The following ALMS1 variants were observed in gnomAD, a reference collection of about 807,000 sequenced individuals.
ALMS1 encodes centrosome-associated protein ALMS1.
ALMS1 carries 271 observed loss-of-function variants against 352.2 expected under a neutral mutation model. The observed-to-expected ratio is 0.77, with a 90% CI of 0.70 to 0.85. The LOEUF (loss-of-function observed/expected upper bound fraction) is 0.85, where lower values mean the gene tolerates loss of function less well. Among genes scored for constraint, ALMS1 ranks in the 40% least tolerant of loss-of-function variants. The probability of loss-of-function intolerance (pLI) is 0.00; values close to 1 mark genes in which losing one functional copy is unlikely to be tolerated. For synonymous variants in ALMS1, 1,865 were observed against 1,761.2 expected, an observed-to-expected ratio of 1.06 and a Z score of -1.48; for missense variants, 5,445 against 4,870.7, an observed-to-expected ratio of 1.12 and a Z score of -3.51.
In ALMS1 at chr2:73,600,863, A is replaced by C. The variant is rs771282076; in HGVS notation, c.11854A>C (p.Lys3952Gln). 6.2e-7 allele frequency: 1 copy of C among 1,613,982 alleles called. No homozygotes were observed. Among genetic ancestry groups the C allele is most frequent in the Non-Finnish European group, 8.5e-7 (1 of 1,179,926 alleles). ...TGAGGACAGAAAGTTAAAAAAGAAC[A>C]AGAAGAATTCCCATGAAGGTCAGTT... ...YPEDRKLKKN[K>Q]KNSHEGVSWF... is the part of the protein sequence containing the mutation. The change falls in exon 18 of 23, where the codon AAG (lysine) becomes CAG (glutamine). Residue 3952 changes from lysine to glutamine, a missense_variant. Coordinates refer to ENST00000613296, the MANE Select transcript of ALMS1 (RefSeq NM_001378454.1).
At chr2:73,438,748 CAG>C (rs1000103545) in intron 7 of ALMS1, among the ~76,000 whole-genome samples, 1 of 152,136 alleles carries the variant, frequency 6.6e-6, no homozygotes, top group African/African-American at 2.4e-5. Context: ...TCAAAAAAGA[CAG>C]ATATTTTGTT....
intron 9 of ALMS1, chr2:73,459,314 G>C (rs1244395899): frequency 1.3e-5 from 2 of 152,232 alleles, no homozygotes; most frequent in Non-Finnish European, 2.9e-5. Context: ...ATACCACTTA[G>C]TTAAGGTGGT....
intron 9 of ALMS1, among the ~76,000 whole-genome samples, chr2:73,480,346 A>G (rs2103863106): frequency 1.3e-5 from 2 of 151,868 alleles, no homozygotes; most frequent in Middle Eastern, 3.4e-3. Context: ...TGTTCTTGCG[A>G]TAGTTTACTG....
chr2:73,513,803 A>G lies in ALMS1; in HGVS notation c.9540-5972A>G, dbSNP rs373648740. On this transcript the variant is annotated intron_variant, in intron 10 of 22. Transcript: ENST00000613296. ...ATTGCACACTAAGCCACACGTCTGCAGAGACTGTCTTCTTGCCCTGCTTGA... is the reference window on the plus strand; with the variant it reads ...ATTGCACACTAAGCCACACGTCTGCGGAGACTGTCTTCTTGCCCTGCTTGA... 1.3e-4 allele frequency among the ~76,000 whole-genome samples: 20 copies of G among 152,226 alleles called. No homozygotes were observed. In the South Asian group the frequency reaches 2.7e-3, roughly 21 times the overall value.
intron 10 of ALMS1, 93 bp downstream of exon 10, chr2:73,491,591 C>G: frequency 7.4e-7 from 1 of 1,356,114 alleles, no homozygotes; most frequent in Non-Finnish European, 1.0e-6. Context: ...GGGGAAAGGC[C>G]GTGTGATTTC....
chr2:73,389,554 A>T (rs756615473), intron 1 of ALMS1, among the ~76,000 whole-genome samples: 1 of 152,144 alleles, frequency 6.6e-6, no homozygotes, highest in Non-Finnish European at 1.5e-5. Flanking sequence ...CGGGCCTTAC[A>T]TTTAAATCTT....
At chr2:73,563,503 A>G (rs1558696025) in intron 15 of ALMS1, among the ~76,000 whole-genome samples, 1 of 151,980 alleles carries the variant, frequency 6.6e-6, no homozygotes, top group Non-Finnish European at 1.5e-5. Flanking sequence ...CGGGCGGATT[A>G]AGAGGTCAGG....
chr2:73,509,970 C>T (rs918035945), intron 10 of ALMS1, among the ~76,000 whole-genome samples: 5 of 152,092 alleles, frequency 3.3e-5, no homozygotes, highest in African/African-American at 1.2e-4. Context: ...TGAAGTTGAT[C>T]TTCAGTCTCT....
chr2:73,490,632 C>G lies in ALMS1; in HGVS notation c.8673C>G (p.Ser2891Arg), dbSNP rs755823751. ...FLEQRELFEQSKAPRADDHVR... is the reference protein window; with the variant it reads ...FLEQRELFEQRKAPRADDHVR... Reference sequence around the variant, plus strand: ...AACAACGAGAGCTCTTTGAACAAAGCAAAGCCCCACGTGCAGATGACCATG... The same window carrying G: ...AACAACGAGAGCTCTTTGAACAAAGGAAAGCCCCACGTGCAGATGACCATG... Residue 2891 changes from serine to arginine, a missense_variant, in exon 10 of 23, where the codon AGC (serine) becomes AGG (arginine). Transcript: ENST00000613296. 6.2e-7 allele frequency: 1 copy of G among 1,614,156 alleles called. No individual in the cohort carries two copies. Among genetic ancestry groups the G allele is most frequent in the East Asian group, 2.2e-5 (1 of 44,880 alleles).
intron 9 of ALMS1, among the ~76,000 whole-genome samples, chr2:73,471,346 A>AC (rs1445409808): frequency 1.3e-5 from 2 of 151,486 alleles, no homozygotes; most frequent in African/African-American, 4.8e-5. Flanking sequence ...ACAGGACTGC[A>AC]TCTAATTAAA....
rs764309301 is a variant in ALMS1 at position 73,448,626 on chromosome 2, G to A, written c.2099G>A (p.Gly700Glu). The change falls in exon 8 of 23, where the codon GGA (glycine) becomes GAA (glutamate). Residue 700 changes from glycine to glutamate, a missense_variant. Gly to Glu is a moderately conservative substitution (Grantham distance 98, BLOSUM62 -2). Transcript: ENST00000613296. The part of the protein sequence containing the change: ...DQALKVSAVS[G>E]PADQKTGTAT... ...GCTCTGAAAGTCTCAGCTGTGTCTG[G>A]ACCAGCTGACCAGAAGACTGGGACA... is the stretch of plus-strand genomic sequence containing the variant. The A allele has an allele frequency of 5.6e-6, 9 of 1,612,610 alleles. No homozygotes were observed. The highest frequency in any genetic ancestry group is 6.8e-6 in the Non-Finnish European group (8 of 1,179,576).
chr2:73,497,631 T>C (rs1673136687), intron 10 of ALMS1, among the ~76,000 whole-genome samples: 1 of 152,136 alleles, frequency 6.6e-6, no homozygotes, highest in Non-Finnish European at 1.5e-5. Context: ...AAAATTGTCG[T>C]TGGTTGATGG....
chr2:73,385,936 AGGAG>A lies in ALMS1; in HGVS notation c.70_73del (p.Glu24LysfsTer16). ...GAGGAGGAGGAGGAGGAGGAGGAGGAGGAGGAAGAGGAGGAGGCTGCAGCGGCGG... is the reference window on the plus strand; with the variant it reads ...GAGGAGGAGGAGGAGGAGGAGGAGGAGAAGAGGAGGAGGCTGCAGCGGCGG... On this transcript the variant is annotated frameshift_variant, in exon 1 of 23. Coordinates refer to ENST00000613296, the MANE Select transcript of ALMS1 (RefSeq NM_001378454.1). LOFTEE classifies it high-confidence loss of function. 8.8e-7 allele frequency: 1 copy of A among 1,130,628 alleles called. No homozygotes were observed. The highest frequency in any genetic ancestry group is 1.3e-6 in the Non-Finnish European group (1 of 768,514). 70.0% of individuals were successfully genotyped at this position (1,130,628 alleles called of 1,614,324 possible).
intron 10 of ALMS1, among the ~76,000 whole-genome samples, chr2:73,496,582 TAAGA>T (rs961038437): frequency 1.4e-5 from 2 of 142,142 alleles, no homozygotes; most frequent in South Asian, 2.1e-4. Context: ...CAGTAAATAC[TAAGA>T]AAGAGGATTC....
chr2:73,537,359 C>G (rs919453801), intron 12 of ALMS1, among the ~76,000 whole-genome samples: 1 of 152,134 alleles, frequency 6.6e-6, no homozygotes, highest in Non-Finnish European at 1.5e-5. Context: ...AGGAAAGACC[C>G]AAGGCGCTAG....
chr2:73,580,428 A>G (rs1675153523), intron 16 of ALMS1, among the ~76,000 whole-genome samples: 1 of 151,994 alleles, frequency 6.6e-6, no homozygotes. Flanking sequence ...CTTTGTCTTC[A>G]TTGATATTCT....
chr2:73,429,544 A>G (rs1322785355), intron 6 of ALMS1, among the ~76,000 whole-genome samples: 2 of 151,860 alleles, frequency 1.3e-5, no homozygotes, highest in Non-Finnish European at 2.9e-5. Flanking sequence ...CAGCCTCCCA[A>G]AGTGCTGGGG....
In ALMS1 at chr2:73,448,333, A is replaced by G. The variant is rs1671848772; in HGVS notation, c.1806A>G (p.Ser602=). The G allele has an allele frequency of 1.2e-6, 2 of 1,614,030 alleles. No individual in the cohort carries two copies. The highest frequency in any genetic ancestry group is 1.7e-6 in the Non-Finnish European group (2 of 1,179,950). ...SHLTEEALKV[S]AAPGLADQTT... ...TAACTGAAGAGGCTTTGAAAGTTTC[A>G]GCTGCTCCTGGACTAGCTGACCAGA... The change falls in exon 8 of 23, where the codon TCA becomes TCG. Residue 602 remains serine (S), a synonymous_variant. Coordinates refer to ENST00000613296, the MANE Select transcript of ALMS1 (RefSeq NM_001378454.1).
intron 13 of ALMS1, among the ~76,000 whole-genome samples, chr2:73,553,793 G>A (rs1674487682): frequency 6.6e-6 from 1 of 152,032 alleles, no homozygotes; most frequent in African/African-American, 2.4e-5. Context: ...GATATATATG[G>A]GTAGGAGGGT....
Sources: allele counts gnomAD v4.1 joint callset (sites outside exome capture counted in the v4.1 genomes callset), GRCh38; gene constraint gnomAD v4.1.1; transcripts MANE v1.5; gene names NCBI Gene and HGNC (gene_info 2026-07-23, HGNC 2026-07-21).